Variants in LRMDA observed in about 807,000 individuals in gnomAD.
LRMDA encodes leucine-rich melanocyte differentiation-associated protein.
Under a neutral mutation model 29.8 loss-of-function variants are expected in LRMDA, and 18 were observed. The observed-to-expected ratio is 0.60, with a 90% confidence interval of 0.42 to 0.90. The LOEUF (loss-of-function observed/expected upper bound fraction) is 0.90, where lower values mean the gene tolerates loss of function less well. Among genes scored for constraint, LRMDA ranks in the 40% least tolerant of loss-of-function variants. The pLI is 0.00. For missense variants in LRMDA, 273 were observed against 273.9 expected (o/e 1.00, Z 0.02); for synonymous variants, 125 against 109.4 (o/e 1.14, Z -0.89).
At chr10:75,752,328 C>T (rs1314837876) in intron 2 of LRMDA, among the ~76,000 whole-genome samples, 2 of 151,154 alleles carry the variant, frequency 1.3e-5, no homozygotes, top group Admixed American at 6.6e-5. Context: ...TCTCCTGCCT[C>T]AGCCTCCTGA....
intron 2 of LRMDA, among the ~76,000 whole-genome samples, chr10:75,918,669 A>G (rs1845975103): frequency 6.6e-6 from 1 of 152,222 alleles, no homozygotes; most frequent in African/African-American, 2.4e-5. Context: ...GATGCCTCCA[A>G]CACCTTCAGA....
intron 2 of LRMDA, among the ~76,000 whole-genome samples, chr10:75,446,773 C>T (rs1369669828): frequency 6.6e-6 from 1 of 152,226 alleles, no homozygotes; most frequent in Non-Finnish European, 1.5e-5. Context: ...AACCAGCTCA[C>T]CTCATATATA....
intron 2 of LRMDA, among the ~76,000 whole-genome samples, chr10:75,894,436 C>A (rs911375021): frequency 3.9e-5 from 6 of 152,130 alleles, no homozygotes; most frequent in African/African-American, 1.4e-4. Context: ...GATTGTTGGG[C>A]ATTTAGGTTG....
At chr10:75,584,596 T>C (rs1240098709) in intron 2 of LRMDA, among the ~76,000 whole-genome samples, 1 of 152,186 alleles carries the variant, frequency 6.6e-6, no homozygotes, top group African/African-American at 2.4e-5. Flanking sequence ...GTTGGGCTAG[T>C]GAGGTCTGGG....
intron 3 of LRMDA, among the ~76,000 whole-genome samples, chr10:76,038,665 C>G (rs1344192592): frequency 6.6e-6 from 1 of 152,198 alleles, no homozygotes; most frequent in African/African-American, 2.4e-5. Context: ...ACTTCTGATG[C>G]CACTTTTTCA....
chr10:76,060,880 T>G (rs1005068941), intron 5 of LRMDA, among the ~76,000 whole-genome samples: 10 of 152,202 alleles, frequency 6.6e-5, no homozygotes, highest in African/African-American at 2.4e-4. Context: ...TATGATTGAC[T>G]CCAATATCCT....
intron 2 of LRMDA, among the ~76,000 whole-genome samples, chr10:75,784,840 G>A (rs1046193072): frequency 2.0e-5 from 3 of 152,138 alleles, no homozygotes; most frequent in Non-Finnish European, 4.4e-5. Flanking sequence ...TCATTTTGGA[G>A]AAACTTGCCT....
At chr10:76,230,981 A>G (rs1180650171) in intron 5 of LRMDA, among the ~76,000 whole-genome samples, 1 of 152,248 alleles carries the variant, frequency 6.6e-6, no homozygotes, top group African/African-American at 2.4e-5. Flanking sequence ...GACAAAGGCC[A>G]TGCAAAAATT....
chr10:75,639,957 C>T (rs953425028), intron 2 of LRMDA, among the ~76,000 whole-genome samples: 5 of 152,216 alleles, frequency 3.3e-5, no homozygotes, highest in South Asian at 2.1e-4. Flanking sequence ...CAAGGGAGCA[C>T]TGCCAGCAGA....
intron 2 of LRMDA, among the ~76,000 whole-genome samples, chr10:75,992,961 C>CAAATAA (rs72087103): frequency 3.4e-4 from 51 of 151,256 alleles, no homozygotes; most frequent in African/African-American, 1.1e-3. Flanking sequence ...GGTTAACTGT[C>CAAATAA]AAATAAAAAT....
In LRMDA at chr10:75,469,221, A is replaced by G. The variant is rs145745844; in HGVS notation, c.131+30727A>G. On this transcript the variant is annotated intron_variant, in intron 2 of 6. Coordinates refer to ENST00000611255, the MANE Select transcript of LRMDA (RefSeq NM_001305581.2). ...AAAAAAAAGAGAGAGATGATTTATG[A>G]TGACATCACATGTTGCCCAAGCAGA... 7.1e-3 allele frequency among the ~76,000 whole-genome samples: 1,073 copies of G among 152,046 alleles called. 14 individuals carry two copies. Among genetic ancestry groups the G allele is most frequent in the African/African-American group, 0.024 (990 of 41,556 alleles).
chr10:76,491,982 G>A (rs966099168), intron 6 of LRMDA, among the ~76,000 whole-genome samples: 13 of 152,012 alleles, frequency 8.6e-5, no homozygotes, highest in Non-Finnish European at 4.4e-5. Context: ...AGGAGACTCT[G>A]ATGCATTCTT....
chr10:75,968,470 TC>T (rs1846906417), intron 2 of LRMDA, among the ~76,000 whole-genome samples: 1 of 152,154 alleles, frequency 6.6e-6, no homozygotes, highest in African/African-American at 2.4e-5. Context: ...GCTCTTAAGT[TC>T]CAGAGTGATA....
chr10:75,474,119 C>G (rs1441072909), intron 2 of LRMDA, among the ~76,000 whole-genome samples: 1 of 152,224 alleles, frequency 6.6e-6, no homozygotes, highest in East Asian at 1.9e-4. Context: ...CCACTATTAT[C>G]TCTTCTAATG....
chr10:76,240,522 T>A (rs1167005831), intron 5 of LRMDA, among the ~76,000 whole-genome samples: 4 of 147,898 alleles, frequency 2.7e-5, no homozygotes, highest in Non-Finnish European at 4.4e-5. Context: ...ACTTTTACAT[T>A]GTTGGTGATA....
chr10:75,591,303 A>G (rs1037207566), intron 2 of LRMDA, among the ~76,000 whole-genome samples: 1 of 152,122 alleles, frequency 6.6e-6, no homozygotes, highest in Non-Finnish European at 1.5e-5. Context: ...GGGTACATGG[A>G]TAGGGTATTC....
intron 2 of LRMDA, among the ~76,000 whole-genome samples, chr10:75,844,294 C>G (rs145920263): frequency 5.5e-4 from 84 of 152,228 alleles, no homozygotes; most frequent in Middle Eastern, 3.4e-3. Context: ...TTTCCTTTTG[C>G]AAAATCAGCA....
intron 2 of LRMDA, among the ~76,000 whole-genome samples, chr10:75,796,711 T>C (rs1185881945): frequency 1.3e-5 from 2 of 152,192 alleles, no homozygotes; most frequent in Non-Finnish European, 2.9e-5. Flanking sequence ...TAGCTGAGAT[T>C]ACAAGTGCCT....
intron 5 of LRMDA, among the ~76,000 whole-genome samples, chr10:76,107,016 C>T (rs987569602): frequency 2.7e-4 from 41 of 152,316 alleles, no homozygotes; most frequent in African/African-American, 7.9e-4. Flanking sequence ...CCAGACGCAA[C>T]GAGAGCTTCA....
Sources: gnomAD v4.1 joint callset for allele counts (sites outside exome capture counted in the v4.1 genomes callset) on GRCh38, gnomAD v4.1.1 for gene constraint, MANE v1.5 for transcripts, NCBI Gene and HGNC (gene_info 2026-07-23, HGNC 2026-07-21) for gene names.